The following DGKB variants were observed in gnomAD, a reference collection of about 807,000 sequenced individuals.
The protein encoded by DGKB is diacylglycerol kinase beta.
DGKB carries 67 observed loss-of-function variants against 114.3 expected under a neutral mutation model. The ratio of observed to expected loss-of-function variants is 0.59; its 90% CI spans 0.48 to 0.72. The LOEUF (loss-of-function observed/expected upper bound fraction) is 0.72, where lower values mean the gene tolerates loss of function less well. Ranked by LOEUF, DGKB falls within the 30% of genes least tolerant of loss-of-function variation. The pLI is 0.00. For synonymous variants in DGKB, 398 were observed against 323.1 expected (o/e 1.23, Z -2.49); for missense variants, 907 against 975.2 (o/e 0.93, Z 0.93).
intron 25 of DGKB, among the ~76,000 whole-genome samples, chr7:14,159,966 C>T (rs1783618457): frequency 6.6e-6 from 1 of 152,080 alleles, no homozygotes; most frequent in Non-Finnish European, 1.5e-5. Flanking sequence ...AGCCACTGTG[C>T]CTGGCCAATC....
At chr7:14,802,476 G>T (rs1477975012) in intron 2 of DGKB, among the ~76,000 whole-genome samples, 3 of 152,008 alleles carry the variant, frequency 2.0e-5, no homozygotes, top group African/African-American at 7.3e-5. Context: ...TGAAGATTTT[G>T]CAAGTATTAT....
In DGKB at chr7:14,488,749, A is replaced by G. The variant is rs1052357469; in HGVS notation, c.1771-10524T>C. On this transcript the variant is annotated intron_variant, in intron 20 of 25. Transcript: ENST00000402815. ...AGGCTGAGGCAGGAGAATCGCTTGA[A>G]CTCAGGAGGAGGAGATTGCAGTGAG... Among the ~76,000 whole-genome samples, 8 of 150,974 alleles carry G rather than the reference A, an allele frequency of 5.3e-5. No individual in the cohort carries two copies. In the East Asian group the frequency reaches 1.2e-3, roughly 22 times the overall value.
chr7:14,787,181 C>G (rs1027620090), intron 2 of DGKB, among the ~76,000 whole-genome samples: 1 of 152,144 alleles, frequency 6.6e-6, no homozygotes, highest in Admixed American at 6.6e-5. Flanking sequence ...GAACTCAGGA[C>G]CAGCTTAAGC....
intron 16 of DGKB, among the ~76,000 whole-genome samples, chr7:14,610,737 C>T (rs1362688500): frequency 1.3e-5 from 2 of 151,956 alleles, no homozygotes; most frequent in Non-Finnish European, 2.9e-5. Flanking sequence ...TAAAAGAAAA[C>T]CTAGGAAATA....
chr7:14,147,380 A>C lies in DGKB; in HGVS notation c.*1751T>G, dbSNP rs772562973. 1 of 152,204 alleles carries C rather than the reference A, an allele frequency of 6.6e-6. No individual in the cohort carries two copies. 9.4% of individuals were successfully genotyped at this position (152,204 alleles called of 1,614,324 possible). On this transcript the variant is annotated 3_prime_UTR_variant, in exon 26 of 26. Transcript: ENST00000402815. ...TATTGTTGATTGATATTTACCGTCCAATGTTCCAGGAACACTAAAAGAATA... is the reference window on the plus strand; with the variant it reads ...TATTGTTGATTGATATTTACCGTCCCATGTTCCAGGAACACTAAAAGAATA...
intron 25 of DGKB, among the ~76,000 whole-genome samples, chr7:14,168,980 A>C (rs1033196718): frequency 2.0e-5 from 3 of 152,248 alleles, no homozygotes; most frequent in Non-Finnish European, 4.4e-5. Flanking sequence ...CCAATAGGAC[A>C]GAATAATTAA....
At chr7:14,924,866 C>T (rs1224730929) in intron 1 of DGKB, among the ~76,000 whole-genome samples, 1 of 152,136 alleles carries the variant, frequency 6.6e-6, no homozygotes. Flanking sequence ...TTTATATATA[C>T]TTACGGGGAT....
chr7:14,573,257 A>T (rs1385504866), intron 20 of DGKB, among the ~76,000 whole-genome samples: 1 of 152,176 alleles, frequency 6.6e-6, no homozygotes. Context: ...TTTAGCCTTC[A>T]TCATGTACCA....
intron 5 of DGKB, among the ~76,000 whole-genome samples, chr7:14,719,576 T>C (rs1282325525): frequency 6.6e-6 from 1 of 152,022 alleles, no homozygotes; most frequent in Non-Finnish European, 1.5e-5. Context: ...AGATTCCTAA[T>C]CAACCAGGAG....
In DGKB at chr7:14,429,286, A is replaced by G. The variant is rs546149751; in HGVS notation, c.1835+48875T>C. 1.3e-3 allele frequency among the ~76,000 whole-genome samples: 192 copies of G among 152,244 alleles called. 1 individual carries two copies. The highest frequency in any genetic ancestry group is 4.4e-3 in the African/African-American group (185 of 41,574). On this transcript the variant is annotated intron_variant, in intron 21 of 25. Coordinates refer to ENST00000402815, the MANE Select transcript of DGKB (RefSeq NM_001350709.2). ...CCCTCATGATGGGATTAGTGGTGCCATAAGAAGAGAGGAGATAACTTGCTC... is the reference window on the plus strand; with the variant it reads ...CCCTCATGATGGGATTAGTGGTGCCGTAAGAAGAGAGGAGATAACTTGCTC...
intron 23 of DGKB, among the ~76,000 whole-genome samples, chr7:14,235,996 T>A (rs1360553605): frequency 6.6e-6 from 1 of 151,926 alleles, no homozygotes; most frequent in Non-Finnish European, 1.5e-5. Context: ...CAAAAACAAT[T>A]TATGCTACTA....
intron 1 of DGKB, among the ~76,000 whole-genome samples, chr7:14,916,707 C>A (rs1046375847): frequency 1.3e-5 from 2 of 151,974 alleles, no homozygotes; most frequent in African/African-American, 2.4e-5. Context: ...AAGTTCAACA[C>A]CTCTATAACA....
At chr7:14,267,629 C>T (rs1797705584) in intron 23 of DGKB, among the ~76,000 whole-genome samples, 2 of 151,918 alleles carry the variant, frequency 1.3e-5, no homozygotes, top group Admixed American at 6.6e-5. Context: ...GCTGGGACTA[C>T]AGGCATGTGC....
chr7:14,729,017 T>A (rs939448997), intron 5 of DGKB, among the ~76,000 whole-genome samples: 1 of 151,770 alleles, frequency 6.6e-6, no homozygotes, highest in Non-Finnish European at 1.5e-5. Flanking sequence ...TCTTTTTGTA[T>A]ACATTTTTGC....
At chr7:14,755,202 G>A (rs1834691818) in intron 3 of DGKB, among the ~76,000 whole-genome samples, 1 of 151,832 alleles carries the variant, frequency 6.6e-6, no homozygotes, top group Admixed American at 6.6e-5. Flanking sequence ...TAAAAGATGG[G>A]AATTAAAAGT....
At chr7:14,903,678 G>C (rs906779237), upstream of DGKB, among the ~76,000 whole-genome samples, 4 of 152,128 alleles carry the variant, frequency 2.6e-5, no homozygotes, top group African/African-American at 9.7e-5. Flanking sequence ...GAAGTAGAAA[G>C]GCAGTTAAAT....
In DGKB at chr7:14,580,910, G is replaced by C. The variant is rs764738450; in HGVS notation, c.1561C>G (p.Pro521Ala). 6.2e-7 allele frequency: 1 copy of C among 1,604,220 alleles called. No individual in the cohort carries two copies. The highest frequency in any genetic ancestry group is 1.7e-5 in the Admixed American group (1 of 59,852). ...VGKHPPVAIL[P>A]LGTGNDLARC... ...GCTAGATCATTGCCAGTCCCAAGAGGCAGAATCGCAACTGGAGGATGCTTG... is the reference window on the plus strand; with the variant it reads ...GCTAGATCATTGCCAGTCCCAAGAGCCAGAATCGCAACTGGAGGATGCTTG... Residue 521 changes from proline to alanine, a missense_variant, in exon 19 of 26, where the codon CCT becomes GCT. Physicochemically the swap from Pro to Ala is conservative, Grantham distance 27. Transcript: ENST00000402815.
chr7:14,613,548 T>C, intron 15 of DGKB, 135 bp from the exon 16 acceptor site: 2 of 600,966 alleles, frequency 3.3e-6, no homozygotes, highest in South Asian at 2.2e-5. Context: ...TGTGTGTGCA[T>C]GTGTGTGTGA....
intron 1 of DGKB, among the ~76,000 whole-genome samples, chr7:14,855,882 A>C (rs1203440296): frequency 6.6e-6 from 1 of 152,022 alleles, no homozygotes. Context: ...TAATAGAAAC[A>C]TAAAACTTTA....
Sources: gnomAD v4.1 joint callset for allele counts (sites outside exome capture counted in the v4.1 genomes callset) on GRCh38, gnomAD v4.1.1 for gene constraint, MANE v1.5 for transcripts, NCBI Gene and HGNC (gene_info 2026-07-23, HGNC 2026-07-21) for gene names.